The following SCGB2B2 variants were observed in gnomAD, a reference collection of about 807,000 sequenced individuals.
SCGB2B2 encodes secretoglobin-like protein.
Under a neutral mutation model 7.6 loss-of-function variants are expected in SCGB2B2, and 11 were observed. The observed-to-expected ratio is 1.45, with a 90% CI of 0.91 to 2.40. SCGB2B2 has a LOEUF of 2.40. Among genes scored for constraint, SCGB2B2 ranks in the 30% most tolerant of loss-of-function variants. SCGB2B2 has a pLI of 0.00. For missense variants in SCGB2B2, 104 were observed against 115.4 expected (o/e 0.90, Z 0.45); for synonymous variants, 50 against 48.6 (o/e 1.03, Z -0.12).
intron 1 of SCGB2B2, among the ~76,000 whole-genome samples, chr19:34,624,639 C>T (rs770278971): frequency 2.0e-5 from 3 of 152,164 alleles, no homozygotes; most frequent in Non-Finnish European, 4.4e-5. Context: ...TCCTGGTGGG[C>T]TGTTGGGGAC....
chr19:34,658,596 G>A (rs1012430085), intron 1 of SCGB2B2, among the ~76,000 whole-genome samples: 1 of 152,064 alleles, frequency 6.6e-6, no homozygotes, highest in African/African-American at 2.4e-5. Context: ...TTCTGAAATT[G>A]AGGCAATAAT....
downstream of SCGB2B2, among the ~76,000 whole-genome samples, chr19:34,587,076 T>A (rs911228475): frequency 7.9e-5 from 12 of 152,140 alleles, no homozygotes; most frequent in East Asian, 2.3e-3. Context: ...TCTGGCTAAT[T>A]TTTTGTATTT....
intron 1 of SCGB2B2, among the ~76,000 whole-genome samples, chr19:34,648,807 T>A (rs2067088298): frequency 6.6e-6 from 1 of 151,964 alleles, no homozygotes; most frequent in Admixed American, 6.6e-5. Flanking sequence ...AAAGAACATG[T>A]TGCATTATTT....
intron 1 of SCGB2B2, among the ~76,000 whole-genome samples, chr19:34,624,677 ACAC>A (rs1223318496): frequency 4.6e-5 from 7 of 152,202 alleles, no homozygotes; most frequent in Non-Finnish European, 1.0e-4. Flanking sequence ...TCTTCAGGTA[ACAC>A]CAAGGTGCAG....
intron 1 of SCGB2B2, among the ~76,000 whole-genome samples, chr19:34,608,919 T>A (rs2145828093): frequency 6.6e-6 from 1 of 151,986 alleles, no homozygotes; most frequent in East Asian, 1.9e-4. Context: ...ATAATGCCTA[T>A]CCTAATTTAC....
chr19:34,632,862 A>G (rs527767514), intron 1 of SCGB2B2: 3 of 152,374 alleles, frequency 2.0e-5, no homozygotes, highest in Admixed American at 6.5e-5. Flanking sequence ...CCTCTCTCAT[A>G]TACAGCCAAC....
chr19:34,613,795 T>A (rs2065998455), intron 1 of SCGB2B2, among the ~76,000 whole-genome samples: 1 of 152,256 alleles, frequency 6.6e-6, no homozygotes, highest in South Asian at 2.1e-4. Flanking sequence ...CTTTGAGTAT[T>A]TCTTTTTAAG....
intron 1 of SCGB2B2, chr19:34,634,794 T>C: frequency 4.9e-6 from 1 of 204,072 alleles, no homozygotes; most frequent in Non-Finnish European, 1.1e-5. Context: ...TCTCAGGTGT[T>C]GAACAAGTAT....
chr19:34,607,007 C>G (rs927402811), intron 1 of SCGB2B2, among the ~76,000 whole-genome samples: 3 of 152,210 alleles, frequency 2.0e-5, no homozygotes, highest in Admixed American at 6.5e-5. Context: ...ATAGCTGAAA[C>G]TCTGTACCCT....
chr19:34,667,704 G>GGTTTTTTTTT (rs1240149613), intron 1 of SCGB2B2, among the ~76,000 whole-genome samples: 1,900 of 151,918 alleles, frequency 0.013, 30 homozygotes, highest in South Asian at 0.07. Flanking sequence ...TTGTTTGTGC[G>GGTTTTTTTTT]TTTTCCCCAA....
intron 1 of SCGB2B2, among the ~76,000 whole-genome samples, chr19:34,643,575 A>C (rs2066905546): frequency 6.6e-6 from 1 of 152,210 alleles, no homozygotes; most frequent in Non-Finnish European, 1.5e-5. Flanking sequence ...GAGGACTTGA[A>C]TTGTTCCCAA....
chr19:34,606,064 C>T (rs945214725), intron 1 of SCGB2B2, among the ~76,000 whole-genome samples: 35 of 149,900 alleles, frequency 2.3e-4, no homozygotes, highest in East Asian at 5.9e-4. Flanking sequence ...TTTTATTTTA[C>T]GTAGTTTTTA....
At chr19:34,655,380 C>G (rs192089093) in intron 1 of SCGB2B2, among the ~76,000 whole-genome samples, 2 of 151,286 alleles carry the variant, frequency 1.3e-5, no homozygotes, top group African/African-American at 2.5e-5. Context: ...CTCCACAAAC[C>G]CTTACCACAA....
At chr19:34,612,580 C>T (rs560405053) in intron 1 of SCGB2B2, among the ~76,000 whole-genome samples, 4 of 152,184 alleles carry the variant, frequency 2.6e-5, no homozygotes, top group East Asian at 1.9e-4. Flanking sequence ...AAATACTAAA[C>T]CTTATTCATT....
chr19:34,607,706 G>C (rs2065820140), intron 1 of SCGB2B2, among the ~76,000 whole-genome samples: 1 of 152,232 alleles, frequency 6.6e-6, no homozygotes, highest in Non-Finnish European at 1.5e-5. Flanking sequence ...TCGTGATGGT[G>C]AACATCTTTT....
At position 34,594,727 on chromosome 19, in the gene SCGB2B2, G is replaced by A; in HGVS notation, c.-164C>T. Reference sequence around the variant, plus strand: ...TGAATGTGGTCAGGGCAGGTCTGCAGAGAGACCCTCGGCCCTGGGCCATGC... The same window carrying A: ...TGAATGTGGTCAGGGCAGGTCTGCAAAGAGACCCTCGGCCCTGGGCCATGC... On this transcript the variant is annotated 5_prime_UTR_variant, in exon 2 of 4. Coordinates refer to ENST00000601241, the MANE Select transcript of SCGB2B2 (RefSeq NM_001025591.4). 1.4e-6 allele frequency: 1 copy of A among 690,454 alleles called. No homozygotes were observed. The highest frequency in any genetic ancestry group is 1.7e-5 in the South Asian group (1 of 58,408). 42.8% of individuals were successfully genotyped at this position (690,454 alleles called of 1,614,324 possible).
intron 1 of SCGB2B2, among the ~76,000 whole-genome samples, chr19:34,619,528 A>T (rs1318571047): frequency 6.6e-6 from 1 of 152,228 alleles, no homozygotes; most frequent in Non-Finnish European, 1.5e-5. Flanking sequence ...ATGGGCAAAG[A>T]GACGGCAAGC....
chr19:34,612,411 G>A (rs1052190338), intron 1 of SCGB2B2, among the ~76,000 whole-genome samples: 2 of 152,126 alleles, frequency 1.3e-5, no homozygotes, highest in Admixed American at 6.5e-5. Flanking sequence ...GATATTGGAT[G>A]CATGCATTCA....
intron 1 of SCGB2B2, chr19:34,635,578 A>T: frequency 4.4e-6 from 1 of 226,466 alleles, no homozygotes. Context: ...TGACTGAAGA[A>T]TTTCCCACAT....
Sources: allele counts gnomAD v4.1 joint callset (sites outside exome capture counted in the v4.1 genomes callset), GRCh38; gene constraint gnomAD v4.1.1; transcripts MANE v1.5; gene names NCBI Gene and HGNC (gene_info 2026-07-23, HGNC 2026-07-21).